Variants in ANXA6 observed in about 807,000 individuals in gnomAD.
ANXA6 encodes annexin A6, also known as 67 kDa calelectrin.
In ANXA6, 71 loss-of-function variants were observed where a neutral mutation model predicts 95.4. The observed-to-expected ratio is 0.74, with a 90% CI of 0.61 to 0.91. ANXA6 has a LOEUF of 0.91. Ranked by LOEUF, ANXA6 falls within the 40% of genes least tolerant of loss-of-function variation. ANXA6 has a pLI of 0.00. For missense variants in ANXA6, 830 were observed against 876.4 expected (o/e 0.95, Z 0.67); for synonymous variants, 289 against 315.9 (o/e 0.91, Z 0.90).
Position 151,109,756 on chromosome 5 carries a change from TC to T in ANXA6, c.1680del (p.Arg561GlufsTer9). 6.2e-7 allele frequency: 1 copy of T among 1,606,964 alleles called. No homozygotes were observed. The highest frequency in any genetic ancestry group is 8.5e-7 in the Non-Finnish European group (1 of 1,175,992). On this transcript the variant is annotated frameshift_variant, in exon 22 of 26. Transcript: ENST00000354546. LOFTEE classifies it high-confidence loss of function. ...AAGGGAGGAGGTCAGGCCTCACCTC[TC>T]CGGAGGTGCGGATAGCTCCGGGTAC... ...ILCTRSYPHL[R>X]RVFQEFIKMT... is the part of the protein sequence containing the mutation.
At position 151,131,291 on chromosome 5, in the gene ANXA6, T is replaced by C; in HGVS notation, c.737-2A>G. The stretch of plus-strand genomic sequence containing the variant: ...CCGGGGTGCTCCGGATACACTTCAC[T>C]GTGAAGAGGGAGGAAGAGGTAGAGT... On this transcript the variant is annotated splice_acceptor_variant, in intron 10 of 25. Transcript: ENST00000354546. LOFTEE classifies it high-confidence loss of function. 1 of 1,613,902 alleles carries C rather than the reference T, an allele frequency of 6.2e-7. No individual in the cohort carries two copies. The highest frequency in any genetic ancestry group is 8.5e-7 in the Non-Finnish European group (1 of 1,179,848).
At chr5:151,132,593 G>A in intron 9 of ANXA6, 22 bp from the exon 10 acceptor site, 1 of 1,603,080 alleles carries the variant, frequency 6.2e-7, no homozygotes, top group African/African-American at 1.3e-5. Context: ...AGAGAGACAG[G>A]GAGGTTTGAG....
intron 13 of ANXA6, among the ~76,000 whole-genome samples, chr5:151,126,888 T>C (rs1765339493): frequency 6.6e-6 from 1 of 152,132 alleles, no homozygotes; most frequent in Admixed American, 6.5e-5. Context: ...GGCTAATTCT[T>C]GTATTTTTAG....
intron 13 of ANXA6, among the ~76,000 whole-genome samples, chr5:151,127,554 C>T (rs1765361926): frequency 1.3e-5 from 2 of 152,222 alleles, no homozygotes; most frequent in African/African-American, 4.8e-5. Context: ...GTCCCCAGAC[C>T]CTCTTCACCT....
intron 21 of ANXA6, among the ~76,000 whole-genome samples, 153 bp downstream of exon 21, chr5:151,110,474 G>C (rs1231009014): frequency 6.6e-6 from 1 of 152,210 alleles, no homozygotes; most frequent in Non-Finnish European, 1.5e-5. Context: ...ACACTTGCCT[G>C]GCCTATCTTT....
intron 8 of ANXA6, among the ~76,000 whole-genome samples, chr5:151,134,109 T>C (rs912897178): frequency 2.0e-5 from 3 of 152,326 alleles, no homozygotes; most frequent in South Asian, 4.1e-4. Context: ...ATTTTGTTCA[T>C]TAGTGATTTC....
intron 1 of ANXA6, chr5:151,155,078 A>C (rs756308935): frequency 6.6e-6 from 1 of 152,214 alleles, no homozygotes; most frequent in Admixed American, 6.5e-5. Context: ...GCACACAGGA[A>C]GCACTATATT....
intron 1 of ANXA6, among the ~76,000 whole-genome samples, chr5:151,153,338 G>C (rs996511190): frequency 6.6e-6 from 1 of 152,216 alleles, no homozygotes; most frequent in African/African-American, 2.4e-5. Flanking sequence ...CTCAACTGCT[G>C]GGGTGAGGCC....
chr5:151,106,283 C>T (rs1764693596), intron 23 of ANXA6, among the ~76,000 whole-genome samples: 1 of 152,104 alleles, frequency 6.6e-6, no homozygotes, highest in South Asian at 2.1e-4. Flanking sequence ...GTGTCTCAGA[C>T]AGCTTAAAAA....
chr5:151,140,124 C>CT (rs745385607), intron 3 of ANXA6, 29 bp downstream of exon 3: 222 of 1,609,628 alleles, frequency 1.4e-4, no homozygotes, highest in Non-Finnish European at 1.6e-4. Flanking sequence ...GGGGATACCC[C>CT]TCAAGCTCCC....
chr5:151,154,295 GTATA>G (rs58268342), intron 1 of ANXA6, among the ~76,000 whole-genome samples: 4,551 of 138,486 alleles, frequency 0.033, 83 homozygotes, highest in Middle Eastern at 0.12. Context: ...GCAGTTTGCA[GTATA>G]TATATATATA....
At chr5:151,138,817 T>C (rs1765743213) in intron 4 of ANXA6, 26 bp from the exon 5 acceptor site, 1 of 1,508,208 alleles carries the variant, frequency 6.6e-7, no homozygotes, top group Non-Finnish European at 9.2e-7. Context: ...GAAGAGGAGA[T>C]AGAAGAGGAA....
intron 1 of ANXA6, among the ~76,000 whole-genome samples, chr5:151,152,928 G>A (rs1289567994): frequency 1.3e-5 from 2 of 152,062 alleles, no homozygotes; most frequent in African/African-American, 4.8e-5. Flanking sequence ...AGCGTAAGGG[G>A]GTGAAACCAG....
At chr5:151,131,314 A>C (rs1410855339) in intron 10 of ANXA6, 25 bp from the exon 11 acceptor site, 1 of 1,612,994 alleles carries the variant, frequency 6.2e-7, no homozygotes, top group Non-Finnish European at 8.5e-7. Flanking sequence ...GAAGAGGTAG[A>C]GTTATTCTGG....
intron 20 of ANXA6, among the ~76,000 whole-genome samples, chr5:151,112,792 C>T (rs1023531284): frequency 1.3e-5 from 2 of 152,152 alleles, no homozygotes; most frequent in African/African-American, 4.8e-5. Context: ...CCACTGCACT[C>T]CAACCTGGGT....
chr5:151,140,392 G>A, intron 2 of ANXA6, 149 bp from the exon 3 acceptor site: 2 of 680,098 alleles, frequency 2.9e-6, no homozygotes, highest in African/African-American at 1.8e-5. Flanking sequence ...CTGGGGAGCG[G>A]TGTGGATGAC....
At chr5:151,116,267 A>G (rs1764994265) in intron 20 of ANXA6, among the ~76,000 whole-genome samples, 1 of 152,180 alleles carries the variant, frequency 6.6e-6, no homozygotes, top group South Asian at 2.1e-4. Context: ...GGATGTCTAT[A>G]AAAGTCTGTG....
At chr5:151,137,864 G>T (rs892180554) in intron 5 of ANXA6, among the ~76,000 whole-genome samples, 2 of 152,124 alleles carry the variant, frequency 1.3e-5, no homozygotes, top group African/African-American at 4.8e-5. Context: ...CCAATCTCAG[G>T]TGTTTCTTTA....
chr5:151,134,504 C>G lies in ANXA6; in HGVS notation c.490-21G>C, dbSNP rs769835054. 1.4e-5 allele frequency: 22 copies of G among 1,613,640 alleles called. No individual in the cohort carries two copies. In the South Asian group the frequency reaches 2.3e-4, roughly 17 times the overall value. ...GTTCCCTGGGCAGAAAGACAAAGAA[C>G]ATGTGTTTCAAACACTGCAAAGTCA... is the stretch of plus-strand genomic sequence containing the variant. On this transcript the variant is annotated intron_variant, in intron 7 of 25. Coordinates refer to ENST00000354546, the MANE Select transcript of ANXA6 (RefSeq NM_001155.5).
Sources: gnomAD v4.1 joint callset for allele counts (sites outside exome capture counted in the v4.1 genomes callset) on GRCh38, gnomAD v4.1.1 for gene constraint, MANE v1.5 for transcripts, NCBI Gene and HGNC (gene_info 2026-07-23, HGNC 2026-07-21) for gene names.